Variants in SAMTOR observed in about 807,000 individuals in gnomAD.
SAMTOR encodes the protein UPF0532 protein C7orf60.
At chr7:112,853,354 C>G in the SAMTOR span, among the ~76,000 whole-genome samples, 2 of 152,006 alleles carry the variant, frequency 1.3e-5, no homozygotes, top group African/African-American at 4.8e-5. Context: ...ATTTCATATA[C>G]AGTTTTTAAC....
the SAMTOR span, among the ~76,000 whole-genome samples, chr7:112,847,518 C>T: frequency 6.6e-6 from 1 of 152,192 alleles, no homozygotes; most frequent in Admixed American, 6.5e-5. Context: ...GTGGCTCATG[C>T]CTGTAATCCC....
chr7:112,921,938 C>T, the SAMTOR span, among the ~76,000 whole-genome samples: 1 of 126,958 alleles, frequency 7.9e-6, no homozygotes, highest in African/African-American at 4.0e-5. Flanking sequence ...GTCAGGAAAG[C>T]CCCTCCCCCT....
chr7:112,822,305 T>A, the SAMTOR span: 35 of 1,613,368 alleles, frequency 2.2e-5, no homozygotes, highest in Non-Finnish European at 3.0e-5. Flanking sequence ...AAAAAGCATC[T>A]ATAGCATCCT....
the SAMTOR span, among the ~76,000 whole-genome samples, chr7:112,905,861 T>A: frequency 2.6e-5 from 4 of 152,008 alleles, no homozygotes; most frequent in Admixed American, 2.6e-4. Context: ...GCAAAATGAA[T>A]AAAGCACAGC....
the SAMTOR span, among the ~76,000 whole-genome samples, chr7:112,823,174 C>T: frequency 1.3e-5 from 2 of 152,188 alleles, no homozygotes; most frequent in East Asian, 3.9e-4. Context: ...GTCATCTGGA[C>T]TGTTTATTAG....
the SAMTOR span, among the ~76,000 whole-genome samples, chr7:112,916,591 G>A: frequency 1.2e-4 from 19 of 152,248 alleles, no homozygotes; most frequent in East Asian, 9.7e-4. Context: ...GACAGTGGGT[G>A]CAGGACGGTG....
chr7:112,925,520 G>A, the SAMTOR span, among the ~76,000 whole-genome samples: 1 of 152,220 alleles, frequency 6.6e-6, no homozygotes, highest in African/African-American at 2.4e-5. Context: ...TTGGTTGGGT[G>A]TGGTAGCTCT....
chr7:112,842,145 T>A, the SAMTOR span, among the ~76,000 whole-genome samples: 7 of 151,962 alleles, frequency 4.6e-5, no homozygotes, highest in African/African-American at 1.7e-4. Context: ...ATTCTTTGAG[T>A]AGAAGTCTCT....
chr7:112,885,412 C>A, the SAMTOR span, among the ~76,000 whole-genome samples: 1 of 152,194 alleles, frequency 6.6e-6, no homozygotes, highest in Non-Finnish European at 1.5e-5. Flanking sequence ...AACTTTTATG[C>A]TCTGCTTCCT....
At chr7:112,881,093 G>GC in the SAMTOR span, among the ~76,000 whole-genome samples, 1 of 152,202 alleles carries the variant, frequency 6.6e-6, no homozygotes. Flanking sequence ...AGAAGTGCCT[G>GC]CTCCTGCCGC....
the SAMTOR span, among the ~76,000 whole-genome samples, chr7:112,920,840 T>C: frequency 6.6e-6 from 1 of 151,936 alleles, no homozygotes; most frequent in Non-Finnish European, 1.5e-5. Context: ...TGAACTCCCA[T>C]TCACAATTGC....
At chr7:112,903,443 GA>G in the SAMTOR span, among the ~76,000 whole-genome samples, 1,039 of 137,408 alleles carry the variant, frequency 7.6e-3, 8 homozygotes, top group Middle Eastern at 0.019. Flanking sequence ...ATCCTGGATT[GA>G]AAAAAAAAAA....
the SAMTOR span, among the ~76,000 whole-genome samples, chr7:112,837,250 T>C: frequency 2.0e-5 from 3 of 152,160 alleles, no homozygotes; most frequent in South Asian, 6.2e-4. Flanking sequence ...ATGTTCTTGA[T>C]GTATAGGAAT....
chr7:112,883,048 A>C, the SAMTOR span, among the ~76,000 whole-genome samples: 2 of 152,332 alleles, frequency 1.3e-5, no homozygotes, highest in South Asian at 4.1e-4. Context: ...TCCTATTGTC[A>C]TGCAGTATAT....
At chr7:112,871,002 C>A in the SAMTOR span, among the ~76,000 whole-genome samples, 1,703 of 152,234 alleles carry the variant, frequency 0.011, 22 homozygotes, top group Non-Finnish European at 0.018. Flanking sequence ...TAATATAGCA[C>A]CCAATGTTGG....
chr7:112,911,617 T>A, the SAMTOR span, among the ~76,000 whole-genome samples: 1 of 151,994 alleles, frequency 6.6e-6, no homozygotes, highest in Non-Finnish European at 1.5e-5. Flanking sequence ...CATGTTAGAA[T>A]AAGCAGACAA....
chr7:112,921,334 C>T, the SAMTOR span, among the ~76,000 whole-genome samples: 1 of 151,864 alleles, frequency 6.6e-6, no homozygotes, highest in African/African-American at 2.4e-5. Flanking sequence ...CTGACAAAAA[C>T]AAGCAATGGG....
the SAMTOR span, among the ~76,000 whole-genome samples, chr7:112,834,656 T>G: frequency 2.0e-5 from 3 of 152,180 alleles, no homozygotes; most frequent in African/African-American, 7.2e-5. Context: ...GCTTTTTGCA[T>G]TAGTCATTAA....
chr7:112,866,972 A>T, the SAMTOR span, among the ~76,000 whole-genome samples: 1 of 152,234 alleles, frequency 6.6e-6, no homozygotes, highest in Non-Finnish European at 1.5e-5. Context: ...TAAATACCAG[A>T]TGAAGGAATT....
Sources: allele counts gnomAD v4.1 joint callset (sites outside exome capture counted in the v4.1 genomes callset), GRCh38; gene constraint gnomAD v4.1.1; transcripts MANE v1.5; gene names NCBI Gene and HGNC (gene_info 2026-07-23, HGNC 2026-07-21).